Variants in YTHDC2 observed in about 807,000 individuals in gnomAD.
YTHDC2 encodes the protein 3'-5' RNA helicase YTHDC2.
Under a neutral mutation model 174.9 loss-of-function variants are expected in YTHDC2, and 45 were observed. That is an observed-to-expected ratio of 0.26 (90% CI 0.20 to 0.33). YTHDC2 has a LOEUF of 0.33. Among genes scored for constraint, YTHDC2 ranks in the 10% least tolerant of loss-of-function variants. The pLI is 1.00. For missense variants in YTHDC2, 1,650 were observed against 1,723.7 expected (o/e 0.96, Z 0.76); for synonymous variants, 657 against 574.5 (o/e 1.14, Z -2.05).
rs553856365 is a variant in YTHDC2, at chr5:113,562,147, T to C, written c.2322+962T>C. Among the ~76,000 whole-genome samples, 438 of 150,108 alleles carry C rather than the reference T, an allele frequency of 2.9e-3. 3 individuals carry two copies. The highest frequency in any genetic ancestry group is 0.01 in the African/African-American group (410 of 40,690). ...GGCAGGATAATGTGTTAAACATCCATATACCTAAGATGATTTCCCACTTCC... is the reference window on the plus strand; with the variant it reads ...GGCAGGATAATGTGTTAAACATCCACATACCTAAGATGATTTCCCACTTCC... On this transcript the variant is annotated intron_variant, in intron 18 of 29. Transcript: ENST00000161863.
In YTHDC2 at chr5:113,593,699, AGTT is replaced by A. The variant is rs903573615; in HGVS notation, c.*226_*228del. ...TGATGTTTGTAATGAATAAAATAGT[AGTT>A]TCATTATTTGGCACAATAGCAGTTT... On this transcript the variant is annotated 3_prime_UTR_variant, in exon 30 of 30. Coordinates refer to ENST00000161863, the MANE Select transcript of YTHDC2 (RefSeq NM_022828.5). 5.6e-6 allele frequency: 1 copy of A among 179,116 alleles called. No individual in the cohort carries two copies. The highest frequency in any genetic ancestry group is 2.4e-5 in the African/African-American group (1 of 42,382). The allele number at this position is 179,116 out of a possible 1,614,324, so 11.1% of individuals were successfully genotyped here.
chr5:113,548,426 AC>A (rs1776031313), intron 10 of YTHDC2, 114 bp from the exon 11 acceptor site: 7 of 988,832 alleles, frequency 7.1e-6, no homozygotes, highest in Non-Finnish European at 1.0e-5. Flanking sequence ...TTAAGGAGCA[AC>A]TCTCAGGCTA....
chr5:113,534,460 A>C, intron 6 of YTHDC2, 53 bp downstream of exon 6: 1 of 1,490,418 alleles, frequency 6.7e-7, no homozygotes, highest in Non-Finnish European at 9.3e-7. Flanking sequence ...TAAAATTTAA[A>C]TACATATGCC....
chr5:113,566,612 G>GGACTTAAGAGTT (rs1777349163), intron 21 of YTHDC2, among the ~76,000 whole-genome samples: 1 of 151,888 alleles, frequency 6.6e-6, no homozygotes, highest in African/African-American at 2.4e-5. Context: ...ATGAACCAGA[G>GGACTTAAGAGTT]GACTTAAGAG....
intron 2 of YTHDC2, among the ~76,000 whole-genome samples, chr5:113,520,455 G>T (rs1394283046): frequency 6.6e-6 from 1 of 151,518 alleles, no homozygotes; most frequent in Non-Finnish European, 1.5e-5. Flanking sequence ...CATTTAAACT[G>T]GGTTTTCCCA....
intron 23 of YTHDC2, among the ~76,000 whole-genome samples, chr5:113,570,855 T>C (rs954458703): frequency 1.3e-5 from 2 of 152,122 alleles, no homozygotes; most frequent in Non-Finnish European, 2.9e-5. Flanking sequence ...CATTTCACCA[T>C]GTTGGCCAGG....
In YTHDC2 at chr5:113,546,124, C is replaced by G. The variant is rs181904196; in HGVS notation, c.1496-2417C>G. ...CAGTTTTCTTGCGTTCTTTCTTTTT[C>G]CATTATTTTAAAAAATATTTACTCT... On this transcript the variant is annotated intron_variant, in intron 10 of 29. Coordinates refer to ENST00000161863, the MANE Select transcript of YTHDC2 (RefSeq NM_022828.5). 5.7e-4 allele frequency among the ~76,000 whole-genome samples: 87 copies of G among 152,186 alleles called. 2 individuals are homozygous for G. The highest frequency in any genetic ancestry group is 4.6e-3 in the Admixed American group (71 of 15,286).
At chr5:113,563,711 A>G (rs1777156777) in intron 19 of YTHDC2, 148 bp from the exon 20 acceptor site, 7 of 974,700 alleles carry the variant, frequency 7.2e-6, no homozygotes, top group Non-Finnish European at 1.0e-5. Context: ...GTTCTTTTAT[A>G]TAGTATAATA....
At chr5:113,580,996 C>T (rs547879773) in intron 24 of YTHDC2, among the ~76,000 whole-genome samples, 308 of 152,256 alleles carry the variant, frequency 2.0e-3, no homozygotes, top group Non-Finnish European at 3.7e-3. Context: ...GTATATTTTG[C>T]AATCATTTAG....
intron 23 of YTHDC2, among the ~76,000 whole-genome samples, chr5:113,579,115 T>A (rs1778240120): frequency 1.3e-5 from 2 of 152,124 alleles, no homozygotes; most frequent in African/African-American, 4.8e-5. Context: ...CTAATTCATC[T>A]TTTTATAATT....
At chr5:113,547,633 T>G (rs996364048) in intron 10 of YTHDC2, among the ~76,000 whole-genome samples, 6 of 152,108 alleles carry the variant, frequency 3.9e-5, no homozygotes, top group African/African-American at 1.4e-4. Context: ...CCTCTCAGTT[T>G]TGCTGTGAAT....
intron 23 of YTHDC2, among the ~76,000 whole-genome samples, chr5:113,571,892 C>G (rs1322552969): frequency 6.6e-6 from 1 of 152,028 alleles, no homozygotes; most frequent in African/African-American, 2.4e-5. Context: ...AGCTAGCAGT[C>G]TGTTTTATTG....
chr5:113,574,047 C>A (rs572774550), intron 23 of YTHDC2, among the ~76,000 whole-genome samples: 1 of 152,310 alleles, frequency 6.6e-6, no homozygotes, highest in African/African-American at 2.4e-5. Context: ...GGCACTCTGG[C>A]TTTTTGAGTT....
chr5:113,563,787 G>C, intron 19 of YTHDC2, 72 bp from the exon 20 acceptor site: 1 of 1,512,122 alleles, frequency 6.6e-7, no homozygotes, highest in African/African-American at 1.4e-5. Flanking sequence ...TTCTCATTTA[G>C]GGGTTTTTAA....
intron 3 of YTHDC2, among the ~76,000 whole-genome samples, chr5:113,525,947 A>G (rs971677469): frequency 1.1e-4 from 16 of 152,208 alleles, no homozygotes; most frequent in African/African-American, 3.6e-4. Flanking sequence ...AATATAAAAC[A>G]TTTCATACCT....
chr5:113,545,356 T>TG (rs1775789402), intron 10 of YTHDC2, among the ~76,000 whole-genome samples: 7 of 117,974 alleles, frequency 5.9e-5, no homozygotes, highest in South Asian at 3.3e-4. Context: ...CTCATTATTC[T>TG]TTTTTGTTTT....
At chr5:113,577,864 G>C (rs1778157767) in intron 23 of YTHDC2, among the ~76,000 whole-genome samples, 1 of 151,966 alleles carries the variant, frequency 6.6e-6, no homozygotes, top group Non-Finnish European at 1.5e-5. Flanking sequence ...TTCTCTTTGT[G>C]TAATTTTCTT....
At chr5:113,518,745 A>T (rs959791178) in intron 2 of YTHDC2, among the ~76,000 whole-genome samples, 3 of 152,118 alleles carry the variant, frequency 2.0e-5, no homozygotes, top group African/African-American at 7.2e-5. Context: ...TAAAAAATAG[A>T]TTCCAGACTT....
At chr5:113,578,140 T>C (rs1019890602) in intron 23 of YTHDC2, among the ~76,000 whole-genome samples, 5 of 152,106 alleles carry the variant, frequency 3.3e-5, no homozygotes, top group Non-Finnish European at 5.9e-5. Flanking sequence ...TTAATAAAAG[T>C]GTCCCTTTTA....
Sources: gnomAD v4.1 joint callset for allele counts (sites outside exome capture counted in the v4.1 genomes callset) on GRCh38, gnomAD v4.1.1 for gene constraint, MANE v1.5 for transcripts, NCBI Gene and HGNC (gene_info 2026-07-23, HGNC 2026-07-21) for gene names.